KLHL15: variants seen among roughly 807,000 people sequenced by gnomAD.
The protein encoded by KLHL15 is kelch-like protein 15.
KLHL15 carries 1 observed loss-of-function variant against 29.3 expected under a neutral mutation model. The ratio of observed to expected loss-of-function variants is 0.03; its 90% CI spans 0.01 to 0.16. The LOEUF is 0.16. Ranked by LOEUF, KLHL15 falls within the 10% of genes least tolerant of loss-of-function variation. The pLI, the probability that KLHL15 is intolerant of heterozygous loss-of-function variation, is 1.00. For missense variants in KLHL15, 215 were observed against 478.5 expected (o/e 0.45, Z 5.14); for synonymous variants, 212 against 184.5 (o/e 1.15, Z -1.21).
At chrX:23,998,258 G>C (rs1176387628) in intron 3 of KLHL15, among the ~76,000 whole-genome samples, 2 of 107,532 alleles carry the variant, frequency 1.9e-5, no homozygotes, top group Non-Finnish European at 3.8e-5. Context: ...ACCGTGCCCA[G>C]CAATTTTTGT....
intron 3 of KLHL15, among the ~76,000 whole-genome samples, chrX:23,998,265 TTGTG>T (rs770745892): frequency 9.3e-5 from 10 of 107,221 alleles, no homozygotes; most frequent in Non-Finnish European, 1.7e-4. Flanking sequence ...CCAGCAATTT[TTGTG>T]TGTGTGTGAG....
At position 24,002,006 on chromosome X, in the gene KLHL15, G is replaced by A. The variant is rs184271991; in HGVS notation, c.705+3983C>T. On this transcript the variant is annotated intron_variant, in intron 3 of 3. Coordinates refer to ENST00000328046, the MANE Select transcript of KLHL15 (RefSeq NM_030624.3). ...AACTTAGCCGGGCGTGGTGGCGGGC[G>A]CCTGTAGTCCCAGCTACTCGGGAGG... Among the ~76,000 whole-genome samples, 533 of 103,137 alleles carry A rather than the reference G, an allele frequency of 5.2e-3. 2 individuals are homozygous for A. The highest frequency in any genetic ancestry group is 0.017 in the African/African-American group (481 of 28,073). The allele number at this position is 103,137 out of a possible 115,157, so 89.6% of individuals were successfully genotyped here.
intron 1 of KLHL15, 119 bp from the exon 2 acceptor site, chrX:24,025,177 G>A: frequency 6.9e-6 from 2 of 289,041 alleles, no homozygotes; most frequent in Non-Finnish European, 6.1e-6. Context: ...CACCCGACGG[G>A]GCTCGGCGGG....
At chrX:24,007,820 T>C (rs188157698) in intron 2 of KLHL15, among the ~76,000 whole-genome samples, 10 of 110,194 alleles carry the variant, frequency 9.1e-5, no homozygotes, top group Non-Finnish European at 1.7e-4. Flanking sequence ...TATTCAAAAG[T>C]CCAATAACAA....
At chrX:24,010,560 A>T (rs1049387189) in intron 2 of KLHL15, among the ~76,000 whole-genome samples, 4 of 112,232 alleles carry the variant, frequency 3.6e-5, no homozygotes, top group Non-Finnish European at 7.5e-5. Flanking sequence ...ATTTTTAAGC[A>T]CTTTCTAGAA....
rs1021515468 is a variant in KLHL15, at chrX:23,984,189, C to T, written c.*3732G>A. 5.4e-5 allele frequency: 6 copies of T among 111,709 alleles called. No individual in the cohort carries two copies. The allele number at this position is 111,709 out of a possible 1,213,427, so 9.2% of individuals were successfully genotyped here. The stretch of plus-strand genomic sequence containing the variant: ...GGAGAACAAAGCTGATGGCATTCTC[C>T]TCAATGTTACTTGTGTAATATTGAA... On this transcript the variant is annotated 3_prime_UTR_variant, in exon 4 of 4. Coordinates refer to ENST00000328046, the MANE Select transcript of KLHL15 (RefSeq NM_030624.3).
chrX:23,997,881 A>G (rs5925964), intron 3 of KLHL15, among the ~76,000 whole-genome samples: 19,451 of 108,412 alleles, frequency 0.18, 1,534 homozygotes, highest in South Asian at 0.55. Flanking sequence ...GAGACCAGCC[A>G]GGAGTTGAGA....
chrX:23,999,540 A>T (rs1407316469), intron 3 of KLHL15, among the ~76,000 whole-genome samples: 1 of 103,146 alleles, frequency 9.7e-6, no homozygotes, highest in East Asian at 3.2e-4. Context: ...GCTTGCAGTG[A>T]GCCGAGATAG....
Position 24,009,222 on chromosome X carries a change from C to T in KLHL15, c.-7-2522G>A, listed in dbSNP as rs183102382. Reference sequence around the variant, plus strand: ...AAAAATACAAAAATTAAAGGCCGGGCGTGGTGGCTCATGCCTGTAATCCCA... The same window carrying T: ...AAAAATACAAAAATTAAAGGCCGGGTGTGGTGGCTCATGCCTGTAATCCCA... On this transcript the variant is annotated intron_variant, in intron 2 of 3. Transcript: ENST00000328046. 4.5e-3 allele frequency among the ~76,000 whole-genome samples: 501 copies of T among 110,950 alleles called. 1 individual carries two copies. The highest frequency in any genetic ancestry group is 6.5e-3 in the Non-Finnish European group (342 of 52,944).
intron 3 of KLHL15, among the ~76,000 whole-genome samples, chrX:23,999,594 C>CAAAAAAAAAAAAAAA (rs57473929): frequency 1.8e-5 from 1 of 55,470 alleles, no homozygotes; most frequent in African/African-American, 7.1e-5. Context: ...GACTCCGTCT[C>CAAAAAAAAAAAAAAA]AAAAAAAAAA....
chrX:23,988,560 A>G lies in KLHL15; in HGVS notation c.1176T>C (p.Thr392=), dbSNP rs185873286. The part of the protein sequence containing the change: ...YAVAGRTRDE[T]FYSTERYDIT... ...TGTCATATCTCTCAGTTGAATAGAA[A>G]GTCTCATCTCTGGTTCTGCCTGCTA... Residue 392 remains threonine (T), a synonymous_variant, in exon 4 of 4, where the codon ACT becomes ACC. Coordinates refer to ENST00000328046, the MANE Select transcript of KLHL15 (RefSeq NM_030624.3). 9.9e-5 allele frequency: 120 copies of G among 1,210,188 alleles called. No individual in the cohort carries two copies. In the Middle Eastern group the frequency reaches 2.5e-3, roughly 25 times the overall value.
intron 2 of KLHL15, among the ~76,000 whole-genome samples, chrX:24,013,825 T>C (rs1056141721): frequency 1.3e-4 from 14 of 109,800 alleles, no homozygotes; most frequent in African/African-American, 4.6e-4. Context: ...CTAAGCAACA[T>C]AGCGAGTCCC....
In KLHL15 at chrX:23,986,607, G is replaced by C. The variant is rs1928990376; in HGVS notation, c.*1314C>G. On this transcript the variant is annotated 3_prime_UTR_variant, in exon 4 of 4. Coordinates refer to ENST00000328046, the MANE Select transcript of KLHL15 (RefSeq NM_030624.3). ...TAAACAGCTATTCTTGATCCATTCT[G>C]AACTTTGTGGTTACTATCCTTCATG... is the stretch of plus-strand genomic sequence containing the variant. The C allele has an allele frequency of 8.9e-6, 1 of 112,236 alleles. No homozygotes were observed. Among genetic ancestry groups the C allele is most frequent in the Non-Finnish European group, 1.9e-5 (1 of 53,183 alleles). 9.2% of individuals were successfully genotyped at this position (112,236 alleles called of 1,213,427 possible).
At chrX:24,000,221 C>A (rs1038622022) in intron 3 of KLHL15, among the ~76,000 whole-genome samples, 2 of 111,816 alleles carry the variant, frequency 1.8e-5, no homozygotes, top group Non-Finnish European at 3.8e-5. Flanking sequence ...TATGGTGGCT[C>A]ACACCTGTAA....
chrX:24,020,239 T>C (rs1929776245), intron 2 of KLHL15, among the ~76,000 whole-genome samples: 1 of 112,121 alleles, frequency 8.9e-6, no homozygotes, highest in Non-Finnish European at 1.9e-5. Context: ...AAAATGTAAA[T>C]TTGACAATCT....
rs1346592364 is a variant in KLHL15 at position 23,986,304 on chromosome X, AAAAC to A, written c.*1613_*1616del. ...GCAAAAAAACAAACAAACAAACAAAAAAACAAAAAACACCAAACAAAGTGAAACT... is the reference window on the plus strand; with the variant it reads ...GCAAAAAAACAAACAAACAAACAAAAAAAAAACACCAAACAAAGTGAAACT... On this transcript the variant is annotated 3_prime_UTR_variant, in exon 4 of 4. Coordinates refer to ENST00000328046, the MANE Select transcript of KLHL15 (RefSeq NM_030624.3). 2 of 108,231 alleles carry A rather than the reference AAAAC, an allele frequency of 1.8e-5. No individual in the cohort carries two copies. The highest frequency in any genetic ancestry group is 3.8e-5 in the Non-Finnish European group (2 of 52,343). The allele number at this position is 108,231 out of a possible 1,213,427, so 8.9% of individuals were successfully genotyped here.
Position 24,008,201 on chromosome X carries a change from G to A in KLHL15, c.-7-1501C>T, listed in dbSNP as rs1298098972. ...ATCAGAGAAATGAAGGTAAAATAGA[G>A]AACTATAATTAGATATCTTAAATAC... On this transcript the variant is annotated intron_variant, in intron 2 of 3. Coordinates refer to ENST00000328046, the MANE Select transcript of KLHL15 (RefSeq NM_030624.3). Among the ~76,000 whole-genome samples the A allele has an allele frequency of 8.0e-5, 9 of 112,024 alleles. No individual in the cohort carries two copies. The South Asian group carries it at 1.1e-3, about 14-fold the overall frequency.
chrX:24,007,408 G>A (rs759806517), intron 2 of KLHL15, among the ~76,000 whole-genome samples: 42 of 101,815 alleles, frequency 4.1e-4, no homozygotes, highest in Non-Finnish European at 7.1e-4. Flanking sequence ...CAGGAGAATC[G>A]CTTGAACTCG....
chrX:24,007,158 C>A (rs1408412320), intron 2 of KLHL15, among the ~76,000 whole-genome samples: 1 of 110,607 alleles, frequency 9.0e-6, no homozygotes, highest in Non-Finnish European at 1.9e-5. Context: ...AGCACCACTG[C>A]ACTCCAGCCT....
Sources: gnomAD v4.1 joint callset for allele counts (sites outside exome capture counted in the v4.1 genomes callset) on GRCh38, gnomAD v4.1.1 for gene constraint, MANE v1.5 for transcripts, NCBI Gene and HGNC (gene_info 2026-07-23, HGNC 2026-07-21) for gene names.